KIAA1671: variants seen among roughly 807,000 people sequenced by gnomAD.
KIAA1671 encodes the protein uncharacterized protein KIAA1671.
KIAA1671 carries 52 observed loss-of-function variants against 131.2 expected under a neutral mutation model. That is an observed-to-expected ratio of 0.40 (90% CI 0.32 to 0.50). The LOEUF (loss-of-function observed/expected upper bound fraction) is 0.50, where lower values mean the gene tolerates loss of function less well. Among genes scored for constraint, KIAA1671 ranks in the 20% least tolerant of loss-of-function variants. The probability of loss-of-function intolerance (pLI) is 0.73; values close to 1 mark genes in which losing one functional copy is unlikely to be tolerated. For synonymous variants in KIAA1671, 1,003 were observed against 961.6 expected (o/e 1.04, Z -0.80); for missense variants, 2,360 against 2,364.2 (o/e 1.00, Z 0.04).
At chr22:25,171,078 G>C in intron 7 of KIAA1671, 140 bp downstream of exon 7, 1 of 696,682 alleles carries the variant, frequency 1.4e-6, no homozygotes, top group Non-Finnish European at 2.4e-6. Flanking sequence ...CTTTTAAAAA[G>C]GAAATTAGGA....
chr22:25,179,504 C>G (rs1364004662), intron 9 of KIAA1671: 1 of 1,610,750 alleles, frequency 6.2e-7, no homozygotes, highest in African/African-American at 1.3e-5. Flanking sequence ...CAGCACCTCC[C>G]GCTCGTGCTC....
At chr22:25,011,277 A>T (rs1392004480) in intron 1 of KIAA1671, 1 of 151,982 alleles carries the variant, frequency 6.6e-6, no homozygotes, top group Non-Finnish European at 1.5e-5. Context: ...CCTCCCAAGT[A>T]GCTGGGATTA....
intron 6 of KIAA1671, among the ~76,000 whole-genome samples, chr22:25,170,555 G>GCTC (rs902049942): frequency 2.0e-5 from 3 of 152,182 alleles, no homozygotes; most frequent in African/African-American, 7.2e-5. Context: ...GCCCTGCAGG[G>GCTC]CTCCACATGC....
At position 25,039,664 on chromosome 22, in the gene KIAA1671, G is replaced by T. The variant is rs1926805465; in HGVS notation, c.2534G>T (p.Gly845Val). Reference sequence around the variant, plus strand: ...GTCAGCGAAGAGCACTGTGCTCCCGGGGCCACCTCCGTCAGGGCTATCAAG... The same window carrying T: ...GTCAGCGAAGAGCACTGTGCTCCCGTGGCCACCTCCGTCAGGGCTATCAAG... ...VAVSEEHCAP[G>V]ATSVRAIKAA... Residue 845 changes from glycine (G) to valine (V), a missense_variant, in exon 5 of 13, where the codon GGG (glycine) becomes GTG (valine). Coordinates refer to ENST00000358431, the MANE Select transcript of KIAA1671 (RefSeq NM_001145206.2). 2.0e-6 allele frequency: 3 copies of T among 1,534,682 alleles called. No homozygotes were observed. The African/African-American group carries it at 4.1e-5, about 21-fold the overall frequency.
intron 1 of KIAA1671, among the ~76,000 whole-genome samples, chr22:24,960,984 T>C (rs946885339): frequency 6.6e-6 from 1 of 152,070 alleles, no homozygotes; most frequent in Non-Finnish European, 1.5e-5. Context: ...TGACAACATT[T>C]TGTTGCCCTT....
chr22:24,974,052 G>T (rs1602036945), intron 1 of KIAA1671, among the ~76,000 whole-genome samples: 4 of 152,222 alleles, frequency 2.6e-5, no homozygotes, highest in Admixed American at 2.6e-4. Context: ...GCTCTGGGAG[G>T]CCCTGTCACC....
chr22:25,143,322 A>G (rs558999838), intron 6 of KIAA1671, among the ~76,000 whole-genome samples: 1 of 152,366 alleles, frequency 6.6e-6, no homozygotes, highest in Non-Finnish European at 1.5e-5. Flanking sequence ...GGAGGAGTCT[A>G]CGCCAGCACA....
chr22:24,999,485 C>G (rs1160830475), intron 1 of KIAA1671, among the ~76,000 whole-genome samples: 2 of 151,002 alleles, frequency 1.3e-5, no homozygotes, highest in Non-Finnish European at 2.9e-5. Context: ...CTCTCAGCCT[C>G]CTAAAGTGCT....
chr22:25,060,166 T>C (rs1257734833), intron 6 of KIAA1671: 2 of 152,170 alleles, frequency 1.3e-5, no homozygotes, highest in African/African-American at 4.8e-5. Context: ...GCAGAACTGA[T>C]GATCCTGATT....
intron 11 of KIAA1671, among the ~76,000 whole-genome samples, chr22:25,187,153 A>G (rs1934502016): frequency 6.6e-6 from 1 of 152,224 alleles, no homozygotes; most frequent in Admixed American, 6.5e-5. Context: ...CCAACAGGCC[A>G]GCATCTTTTC....
At chr22:25,172,215 T>C (rs1229450334) in intron 7 of KIAA1671, among the ~76,000 whole-genome samples, 1 of 152,084 alleles carries the variant, frequency 6.6e-6, no homozygotes, top group Admixed American at 6.5e-5. Context: ...AGCCCGTTCC[T>C]CTCTCGGGGT....
chr22:25,039,369 G>C lies in KIAA1671; in HGVS notation c.2239G>C (p.Ala747Pro), dbSNP rs75885201. 2 of 1,551,876 alleles carry C rather than the reference G, an allele frequency of 1.3e-6. No individual in the cohort carries two copies. Among genetic ancestry groups the C allele is most frequent in the Middle Eastern group, 1.7e-4 (1 of 5,992 alleles). The change falls in exon 5 of 13, where the codon GCC (alanine) becomes CCC (proline). Residue 747 changes from alanine to proline, a missense_variant. Coordinates refer to ENST00000358431, the MANE Select transcript of KIAA1671 (RefSeq NM_001145206.2). ...AGTGGGAGAGCGTGTGCACAGCGAG[G>C]CCATCTCACCGGCACCGGAGGAGAA... ...HAVGERVHSE[A>P]ISPAPEEKAV... is the part of the protein sequence containing the mutation.
intron 6 of KIAA1671, among the ~76,000 whole-genome samples, chr22:25,134,382 G>A (rs1289019622): frequency 4.6e-5 from 7 of 152,140 alleles, no homozygotes; most frequent in African/African-American, 1.4e-4. Context: ...TGGTATGTGT[G>A]TGTGTGTGTG....
chr22:25,134,572 G>A (rs907061533), intron 6 of KIAA1671, among the ~76,000 whole-genome samples: 2 of 152,202 alleles, frequency 1.3e-5, no homozygotes, highest in Non-Finnish European at 2.9e-5. Flanking sequence ...ACAGACCTAA[G>A]TAGGAGTTGT....
chr22:24,956,373 T>C (rs1921700961), intron 1 of KIAA1671, among the ~76,000 whole-genome samples: 1 of 152,232 alleles, frequency 6.6e-6, no homozygotes. Flanking sequence ...CCCATTTCAC[T>C]GATGCAGGCC....
chr22:25,140,379 TC>T (rs1932789182), intron 6 of KIAA1671, among the ~76,000 whole-genome samples: 1 of 151,824 alleles, frequency 6.6e-6, no homozygotes, highest in Admixed American at 6.6e-5. Context: ...TCTTTTTTTT[TC>T]CTTTTTTTTT....
intron 6 of KIAA1671, chr22:25,112,346 T>G (rs921618091): frequency 5.0e-5 from 20 of 398,994 alleles, no homozygotes; most frequent in Non-Finnish European, 7.5e-5. Context: ...GCGTACTTCC[T>G]CCTTCCGACA....
chr22:25,042,239 T>G (rs1382657442), intron 5 of KIAA1671, among the ~76,000 whole-genome samples: 2 of 152,222 alleles, frequency 1.3e-5, no homozygotes, highest in Non-Finnish European at 2.9e-5. Flanking sequence ...TGTTTTACAC[T>G]TCTGTCCTAC....
At position 25,093,842 on chromosome 22, in the gene KIAA1671, C is replaced by CTCTCTG. The variant is rs1288258036; in HGVS notation, c.4530+44483_4530+44484insGTCTCT. Among the ~76,000 whole-genome samples the CTCTCTG allele has an allele frequency of 6.4e-3, 409 of 63,948 alleles. 46 individuals carry two copies. The highest frequency in any genetic ancestry group is 0.019 in the Middle Eastern group (2 of 106). The allele number at this position is 63,948 out of a possible 152,430, so 42.0% of individuals were successfully genotyped here. On this transcript the variant is annotated intron_variant, in intron 6 of 12. Coordinates refer to ENST00000358431, the MANE Select transcript of KIAA1671 (RefSeq NM_001145206.2). ...TCTCTCTTTCTCTCTCTGTCTGTCTCTCTCTCTCTCTCTCTCTCTCTCTCT... is the reference window on the plus strand; with the variant it reads ...TCTCTCTTTCTCTCTCTGTCTGTCTCTCTCTGTCTCTCTCTCTCTCTCTCTCTCTCT...
Sources: allele counts gnomAD v4.1 joint callset (sites outside exome capture counted in the v4.1 genomes callset), GRCh38; gene constraint gnomAD v4.1.1; transcripts MANE v1.5; gene names NCBI Gene and HGNC (gene_info 2026-07-23, HGNC 2026-07-21).